DPYD: variants seen among roughly 807,000 people sequenced by gnomAD.
DPYD encodes the protein dihydropyrimidine dehydrogenase [NADP(+)].
In DPYD, 109 loss-of-function variants were observed where a neutral mutation model predicts 116.2. The observed-to-expected ratio is 0.94, with a 90% CI of 0.80 to 1.10. DPYD has a LOEUF of 1.10. Among genes scored for constraint, DPYD ranks in the 50% least tolerant of loss-of-function variants. The probability of loss-of-function intolerance (pLI) is 0.00; values close to 1 mark genes in which losing one functional copy is unlikely to be tolerated. For synonymous variants in DPYD, 440 were observed against 432.0 expected (o/e 1.02, Z -0.23); for missense variants, 1,302 against 1,254.5 (o/e 1.04, Z -0.57).
chr1:97,647,816 C>T (rs2100834683), intron 8 of DPYD, among the ~76,000 whole-genome samples: 1 of 151,904 alleles, frequency 6.6e-6, no homozygotes, highest in Admixed American at 6.6e-5. Flanking sequence ...GTATGATAAC[C>T]AAAATTATGT....
intron 1 of DPYD, among the ~76,000 whole-genome samples, chr1:97,898,890 T>C (rs1273496424): frequency 6.6e-6 from 1 of 151,940 alleles, no homozygotes; most frequent in Non-Finnish European, 1.5e-5. Flanking sequence ...AACATGATTG[T>C]GAAGCCACCC....
At chr1:97,322,769 T>C (rs561322981) in intron 16 of DPYD, 1 of 152,024 alleles carries the variant, frequency 6.6e-6, no homozygotes, top group African/African-American at 2.4e-5. Context: ...CAACTATACA[T>C]GGAAAAATAA....
At chr1:97,469,410 A>AAAAG (rs1677511835) in intron 13 of DPYD, among the ~76,000 whole-genome samples, 3 of 96,162 alleles carry the variant, frequency 3.1e-5, no homozygotes, top group South Asian at 2.5e-4. Context: ...AAAAAAAAAA[A>AAAAG]AAAAAAAAAA....
chr1:97,912,866 T>C (rs1029089848), intron 1 of DPYD, among the ~76,000 whole-genome samples: 2 of 152,092 alleles, frequency 1.3e-5, no homozygotes, highest in Admixed American at 6.5e-5. Flanking sequence ...TAGAGAAATA[T>C]CTGAAAGAAG....
Position 97,536,115 on chromosome 1 carries a change from C to T in DPYD, c.1524+13445G>A, listed in dbSNP as rs1649977174. Among the ~76,000 whole-genome samples the T allele has an allele frequency of 2.0e-5, 3 of 152,294 alleles. No individual in the cohort carries two copies. In the South Asian group the frequency reaches 6.2e-4, roughly 32 times the overall value. ...GATAAAGGTGAGATCACATACATTT[C>T]TGGTACTAGTTAAGTCTAAAGGCCC... is the stretch of plus-strand genomic sequence containing the variant. On this transcript the variant is annotated intron_variant, in intron 12 of 22. Transcript: ENST00000370192.
intron 20 of DPYD, among the ~76,000 whole-genome samples, chr1:97,116,928 C>T (rs1443741460): frequency 6.7e-6 from 1 of 149,522 alleles, no homozygotes; most frequent in Non-Finnish European, 1.5e-5. Flanking sequence ...GTGGGTGGAT[C>T]ACCTGAGGTC....
intron 18 of DPYD, among the ~76,000 whole-genome samples, chr1:97,287,506 T>C (rs1275776024): frequency 6.6e-6 from 1 of 152,162 alleles, no homozygotes; most frequent in Non-Finnish European, 1.5e-5. Context: ...GCTGTCTTTT[T>C]GTTTGTCTGT....
At position 97,692,589 on chromosome 1, in the gene DPYD, C is replaced by CA. The variant is rs1571200188; in HGVS notation, c.681-792dup. Among the ~76,000 whole-genome samples the CA allele has an allele frequency of 2.0e-5, 3 of 152,160 alleles. No individual in the cohort carries two copies. The East Asian group carries it at 5.8e-4, about 29-fold the overall frequency. On this transcript the variant is annotated intron_variant, in intron 6 of 22. Coordinates refer to ENST00000370192, the MANE Select transcript of DPYD (RefSeq NM_000110.4). ...TCATTCATTTGCTGAATCATTCATTCACCTACTCATTAAAAGTGAATAGTG... is the reference window on the plus strand; with the variant it reads ...TCATTCATTTGCTGAATCATTCATTCAACCTACTCATTAAAAGTGAATAGTG...
rs144837113 is a variant in DPYD, at chr1:97,811,623, C to T, written c.233+16491G>A. Among the ~76,000 whole-genome samples, 120 of 152,100 alleles carry T rather than the reference C, an allele frequency of 7.9e-4. 1 individual carries two copies. Among genetic ancestry groups the T allele is most frequent in the African/African-American group, 2.5e-3 (102 of 41,524 alleles). ...TTGCACATAAAAAATAACTTTGTTT[C>T]GAAACTTCAGTTTTACAATCAATCA... On this transcript the variant is annotated intron_variant, in intron 3 of 22. Transcript: ENST00000370192.
intron 5 of DPYD, among the ~76,000 whole-genome samples, chr1:97,707,617 C>T (rs1662051247): frequency 6.6e-6 from 1 of 151,912 alleles, no homozygotes; most frequent in Non-Finnish European, 1.5e-5. Flanking sequence ...TTCCCAGCAT[C>T]CAGAACCAAG....
At chr1:97,127,149 C>A (rs1171270972) in intron 20 of DPYD, among the ~76,000 whole-genome samples, 2 of 152,076 alleles carry the variant, frequency 1.3e-5, no homozygotes, top group East Asian at 3.9e-4. Flanking sequence ...ACGAACAAGG[C>A]CTGACAGCAT....
intron 4 of DPYD, among the ~76,000 whole-genome samples, chr1:97,724,986 A>AGAGAGAGAGAGAGAG (rs3075442): frequency 4.0e-5 from 6 of 148,930 alleles, no homozygotes; most frequent in African/African-American, 7.4e-5. Flanking sequence ...AGAGAGAGAG[A>AGAGAGAGAGAGAGAG]AAGTTATCCA....
At chr1:97,147,584 G>C (rs1405180307) in intron 20 of DPYD, among the ~76,000 whole-genome samples, 3 of 152,164 alleles carry the variant, frequency 2.0e-5, no homozygotes, top group African/African-American at 7.2e-5. Flanking sequence ...TTATAGCGCA[G>C]AAGAGTGGTC....
intron 1 of DPYD, among the ~76,000 whole-genome samples, chr1:97,902,575 C>A (rs1198839032): frequency 6.6e-6 from 1 of 151,758 alleles, no homozygotes; most frequent in African/African-American, 2.4e-5. Flanking sequence ...AAATGTTATT[C>A]ATCTCAAAGA....
chr1:97,764,431 A>G (rs972749590), intron 3 of DPYD, among the ~76,000 whole-genome samples: 3 of 152,056 alleles, frequency 2.0e-5, no homozygotes, highest in Admixed American at 2.0e-4. Context: ...TTAACTATCT[A>G]TTCTGGTTTA....
intron 8 of DPYD, among the ~76,000 whole-genome samples, chr1:97,622,421 CAAGGTCATCAAAAAT>C (rs1656683355): frequency 6.6e-6 from 1 of 151,808 alleles, no homozygotes; most frequent in South Asian, 2.1e-4. Flanking sequence ...TCACAGCTGT[CAAGGTCATCAAAAAT>C]AAGGAAAGTC....
chr1:97,710,304 A>G (rs909912087), intron 5 of DPYD, among the ~76,000 whole-genome samples: 3 of 151,850 alleles, frequency 2.0e-5, no homozygotes, highest in African/African-American at 7.2e-5. Context: ...AGATGCTTCT[A>G]TGTAATTTTC....
At chr1:97,848,834 T>C (rs1239699136) in intron 2 of DPYD, among the ~76,000 whole-genome samples, 2 of 152,226 alleles carry the variant, frequency 1.3e-5, no homozygotes, top group East Asian at 1.9e-4. Context: ...TTTTTTTCTG[T>C]GTATTATAAG....
At chr1:97,381,075 GGAGA>G (rs1045413464) in intron 15 of DPYD, among the ~76,000 whole-genome samples, 1 of 152,032 alleles carries the variant, frequency 6.6e-6, no homozygotes, top group African/African-American at 2.4e-5. Flanking sequence ...GCTCTCCTAT[GGAGA>G]GATTTTGCAG....
Sources: gnomAD v4.1 joint callset for allele counts (sites outside exome capture counted in the v4.1 genomes callset) on GRCh38, gnomAD v4.1.1 for gene constraint, MANE v1.5 for transcripts, NCBI Gene and HGNC (gene_info 2026-07-23, HGNC 2026-07-21) for gene names.